The following GDPD5 variants were observed in gnomAD, a reference collection of about 807,000 sequenced individuals.
GDPD5 encodes glycerophosphodiester phosphodiesterase 2.
Under a neutral mutation model 75.1 loss-of-function variants are expected in GDPD5, and 48 were observed. The ratio of observed to expected loss-of-function variants is 0.64; its 90% CI spans 0.51 to 0.81. The LOEUF (loss-of-function observed/expected upper bound fraction) is 0.81, where lower values mean the gene tolerates loss of function less well. Ranked by LOEUF, GDPD5 falls within the 40% of genes least tolerant of loss-of-function variation. The pLI is 0.00. For missense variants in GDPD5, 706 were observed against 822.6 expected (o/e 0.86, Z 1.73); for synonymous variants, 336 against 339.0 (o/e 0.99, Z 0.10).
In GDPD5 at chr11:75,499,397, T is replaced by TC. The variant is rs1371870188; in HGVS notation, c.-144-9078_-144-9077insG. ...TTCCTTCTTTCTTCTTCTTTTCCTT[T>TC]TTTTTTTTTTTTTTTTTTTTAACTG... On this transcript the variant is annotated intron_variant, in intron 1 of 16. Coordinates refer to ENST00000336898, the MANE Select transcript of GDPD5 (RefSeq NM_030792.8). 1.0e-3 allele frequency among the ~76,000 whole-genome samples: 12 copies of TC among 11,486 alleles called. 1 individual carries two copies. The Middle Eastern group carries it at 0.25, about 239-fold the overall frequency. The allele number at this position is 11,486 out of a possible 152,430, so 7.5% of individuals were successfully genotyped here. A position where few individuals can be genotyped will look rare whatever the true frequency, so the allele number is the denominator to read the frequency against.
At chr11:75,523,604 AG>A (rs1941548976) in intron 1 of GDPD5, among the ~76,000 whole-genome samples, 2 of 152,256 alleles carry the variant, frequency 1.3e-5, no homozygotes, top group Non-Finnish European at 2.9e-5. Flanking sequence ...GGATGCATCA[AG>A]AGGTCACAAG....
rs560124350 is a variant in GDPD5, at chr11:75,473,961, G to A, written c.117+3658C>T. Among the ~76,000 whole-genome samples the A allele has an allele frequency of 5.3e-5, 8 of 152,298 alleles. 1 individual carries two copies. The highest frequency in any genetic ancestry group is 1.7e-4 in the African/African-American group (7 of 41,552). The stretch of plus-strand genomic sequence containing the variant: ...CCTGGGGGCCGGCCCTTCAAGGGAG[G>A]GGAAAACCAGGTCTGATATACTTAT... On this transcript the variant is annotated intron_variant, in intron 3 of 16. Coordinates refer to ENST00000336898, the MANE Select transcript of GDPD5 (RefSeq NM_030792.8).
chr11:75,523,275 G>T (rs912682340), intron 1 of GDPD5, among the ~76,000 whole-genome samples: 1 of 152,210 alleles, frequency 6.6e-6, no homozygotes, highest in African/African-American at 2.4e-5. Context: ...CACCTGGTCT[G>T]TCTGATTTAC....
chr11:75,523,008 G>A (rs1490645936), intron 1 of GDPD5, among the ~76,000 whole-genome samples: 1 of 152,144 alleles, frequency 6.6e-6, no homozygotes, highest in Non-Finnish European at 1.5e-5. Context: ...TCAGGTCTCT[G>A]AGCCTGCCCT....
intron 15 of GDPD5, 175 bp from the exon 16 acceptor site, chr11:75,437,223 C>A (rs1015832700): frequency 1.9e-5 from 11 of 580,974 alleles, no homozygotes; most frequent in Admixed American, 9.5e-5. Flanking sequence ...TGAATCAGAG[C>A]CTACTGACTC....
At chr11:75,470,243 AC>A (rs752699803) in intron 3 of GDPD5, among the ~76,000 whole-genome samples, 28 of 152,232 alleles carry the variant, frequency 1.8e-4, no homozygotes, top group Admixed American at 8.5e-4. Context: ...ATTTTGGGGA[AC>A]TGGCTCTTTA....
intron 6 of GDPD5, chr11:75,455,416 C>T (rs544942854): frequency 5.7e-5 from 26 of 455,248 alleles, no homozygotes; most frequent in Non-Finnish European, 9.3e-5. Flanking sequence ...CGGCTCCTAC[C>T]ACTCTAAGAC....
chr11:75,477,635 T>G lies in GDPD5; in HGVS notation c.101A>C (p.His34Pro). The part of the protein sequence containing the change: ...GCRWKRYQRS[H>P]DDTTPWERLW... ...GTGGCTCACCGGTGTGGTATCATCA[T>G]GGGAGCGCTGGTAGCGCTTCCAACG... is the stretch of plus-strand genomic sequence containing the variant. The change falls in exon 3 of 17, where the codon CAT becomes CCT. Residue 34 changes from histidine to proline, a missense_variant. Coordinates refer to ENST00000336898, the MANE Select transcript of GDPD5 (RefSeq NM_030792.8). 6.3e-7 allele frequency: 1 copy of G among 1,593,326 alleles called. No homozygotes were observed.
chr11:75,463,748 C>G lies in GDPD5; in HGVS notation c.118-859G>C, dbSNP rs545103306. Among the ~76,000 whole-genome samples the G allele has an allele frequency of 6.6e-5, 10 of 152,270 alleles. No individual in the cohort carries two copies. In the South Asian group the frequency reaches 2.1e-3, roughly 32 times the overall value. On this transcript the variant is annotated intron_variant, in intron 3 of 16. Coordinates refer to ENST00000336898, the MANE Select transcript of GDPD5 (RefSeq NM_030792.8). ...TCCCTGCTATGTTTCTAAACCATCC[C>G]AGTTTAACCTCTTCATGGCTCCTTA... is the stretch of plus-strand genomic sequence containing the variant.
At chr11:75,506,540 T>A (rs971549778) in intron 1 of GDPD5, 1 of 152,224 alleles carries the variant, frequency 6.6e-6, no homozygotes, top group African/African-American at 2.4e-5. Context: ...CCTGGTTCCA[T>A]CCCAGCTGTC....
chr11:75,442,809 C>T, intron 11 of GDPD5: 1 of 605,522 alleles, frequency 1.7e-6, no homozygotes, highest in South Asian at 2.0e-5. Flanking sequence ...GGAATCGCTC[C>T]CAGACCCACA....
chr11:75,459,768 C>CCACT (rs1359823422), intron 4 of GDPD5, among the ~76,000 whole-genome samples: 2 of 150,572 alleles, frequency 1.3e-5, no homozygotes, highest in African/African-American at 4.9e-5. Context: ...TGAGATCATA[C>CCACT]CACTGCACTC....
rs543807026 is a variant in GDPD5, at chr11:75,501,166, G to A, written c.-144-10846C>T. Reference sequence around the variant, plus strand: ...GTATTTCTGCTGAGTTTGCCACATTGGTGAGGTCTGGATCTTCCCTCAGAC... The same window carrying A: ...GTATTTCTGCTGAGTTTGCCACATTAGTGAGGTCTGGATCTTCCCTCAGAC... On this transcript the variant is annotated intron_variant, in intron 1 of 16. Transcript: ENST00000336898. Among the ~76,000 whole-genome samples, 15 of 152,316 alleles carry A rather than the reference G, an allele frequency of 9.8e-5. No homozygotes were observed. In the East Asian group the frequency reaches 1.7e-3, roughly 18 times the overall value.
chr11:75,438,402 C>T (rs1484700320), intron 15 of GDPD5: 1 of 152,218 alleles, frequency 6.6e-6, no homozygotes, highest in African/African-American at 2.4e-5. Flanking sequence ...TCTGAGCAGA[C>T]CCAGCGTGTC....
rs1296756018 is a variant in GDPD5, at chr11:75,462,812, G to A, written c.195C>T (p.Val65=). The change falls in exon 4 of 17, where the codon GTC becomes GTT. Residue 65 remains valine, a synonymous_variant. Coordinates refer to ENST00000336898, the MANE Select transcript of GDPD5 (RefSeq NM_030792.8). ...AGTTGAATTCATCATAGTCATTGTG[G>A]ACTTCCCACCAGAAGTAAAGCCAGG... ...TLTWLYFWWE[V]HNDYDEFNWY... 1.2e-6 allele frequency: 2 copies of A among 1,613,920 alleles called. No homozygotes were observed. The highest frequency in any genetic ancestry group is 1.7e-6 in the Non-Finnish European group (2 of 1,179,914).
intron 8 of GDPD5, 92 bp from the exon 9 acceptor site, chr11:75,449,214 C>A (rs1949065566): frequency 1.4e-6 from 2 of 1,449,204 alleles, no homozygotes; most frequent in South Asian, 1.3e-5. Flanking sequence ...TGTCAGGATC[C>A]AGGTGCTCTA....
chr11:75,444,629 G>C (rs1291662636), intron 9 of GDPD5, 134 bp from the exon 10 acceptor site: 25 of 657,818 alleles, frequency 3.8e-5, no homozygotes, highest in Non-Finnish European at 5.2e-5. Context: ...GAGTAGCTGT[G>C]TGACCCTGGG....
At chr11:75,439,381 A>AGAGGGG (rs2135132559) in intron 15 of GDPD5, 2 of 456,388 alleles carry the variant, frequency 4.4e-6, no homozygotes, top group Admixed American at 4.7e-5. Context: ...TGCAGCAGAG[A>AGAGGGG]GAGGGGGAGG....
Position 75,435,670 on chromosome 11 carries a change from G to T in GDPD5, c.1670-15C>A. ...ATCGCTGATCTCTGCTGGGCCAGAG[G>T]GAGACAGAATGTGAGTCGGGGAGGA... On this transcript the variant is annotated splice_polypyrimidine_tract_variant and intron_variant, in intron 16 of 16. Transcript: ENST00000336898. The T allele has an allele frequency of 6.3e-7, 1 of 1,583,882 alleles. No homozygotes were observed. The highest frequency in any genetic ancestry group is 1.1e-5 in the South Asian group (1 of 87,374).
Sources: gnomAD v4.1 joint callset for allele counts (sites outside exome capture counted in the v4.1 genomes callset) on GRCh38, gnomAD v4.1.1 for gene constraint, MANE v1.5 for transcripts, NCBI Gene and HGNC (gene_info 2026-07-23, HGNC 2026-07-21) for gene names.